TEX11: variants seen among roughly 807,000 people sequenced by gnomAD.
TEX11 encodes the protein testis-expressed protein 11.
In TEX11, 7 loss-of-function variants were observed where a neutral mutation model predicts 84.4. That is an observed-to-expected ratio of 0.08 (90% CI 0.05 to 0.16). The LOEUF (loss-of-function observed/expected upper bound fraction) is 0.16, where lower values mean the gene tolerates loss of function less well. TEX11 is among the 10% of genes least tolerant of loss of function. The pLI is 1.00. For synonymous variants in TEX11, 264 were observed against 222.8 expected (o/e 1.18, Z -1.64); for missense variants, 551 against 660.5 (o/e 0.83, Z 1.82).
At chrX:70,866,807 T>A (rs2091601868) in intron 4 of TEX11, among the ~76,000 whole-genome samples, 1 of 111,840 alleles carries the variant, frequency 8.9e-6, no homozygotes, top group African/African-American at 3.2e-5. Context: ...CATGATTATC[T>A]CAATAGATGC....
chrX:70,858,478 A>G (rs2091550046), intron 5 of TEX11, among the ~76,000 whole-genome samples: 1 of 108,387 alleles, frequency 9.2e-6, no homozygotes, highest in Admixed American at 1.0e-4. Context: ...AACTTACATA[A>G]CCAAATACTA....
chrX:70,671,885 A>ATG lies in TEX11; in HGVS notation c.1243-1372_1243-1371insCA, dbSNP rs1334536510. On this transcript the variant is annotated intron_variant, in intron 15 of 29. Coordinates refer to ENST00000374333, the MANE Select transcript of TEX11 (RefSeq NM_031276.3). ...TTAAACTGTACAATTGTTTTGATATATATATATATATATATATATATATAT... is the reference window on the plus strand; with the variant it reads ...TTAAACTGTACAATTGTTTTGATATATGTATATATATATATATATATATATAT... Among the ~76,000 whole-genome samples, 8 of 15,072 alleles carry ATG rather than the reference A, an allele frequency of 5.3e-4. No individual in the cohort carries two copies. In the East Asian group the frequency reaches 8.5e-3, roughly 16 times the overall value. The allele number at this position is 15,072 out of a possible 115,157, so 13.1% of individuals were successfully genotyped here.
intron 25 of TEX11, among the ~76,000 whole-genome samples, chrX:70,578,728 A>ATTT (rs2088715699): frequency 1.2e-5 from 1 of 84,474 alleles, no homozygotes; most frequent in Non-Finnish European, 2.4e-5. Flanking sequence ...TTACATACAT[A>ATTT]TTTTTTTAAC....
At chrX:70,680,208 T>G (rs1382391408) in intron 14 of TEX11, among the ~76,000 whole-genome samples, 88 of 90,031 alleles carry the variant, frequency 9.8e-4, no homozygotes, top group Middle Eastern at 5.5e-3. Context: ...GAGGTAGACG[T>G]GGGAGACTTT....
intron 5 of TEX11, among the ~76,000 whole-genome samples, chrX:70,858,173 G>A (rs1303499360): frequency 9.1e-6 from 1 of 109,713 alleles, no homozygotes; most frequent in Admixed American, 1.0e-4. Context: ...CTCATGGCCG[G>A]ATGCAGTGGC....
At chrX:70,607,111 C>T in intron 22 of TEX11, 82 bp from the exon 23 acceptor site, 1 of 714,544 alleles carries the variant, frequency 1.4e-6, no homozygotes, top group South Asian at 3.3e-5. Flanking sequence ...ATTTCTGATA[C>T]TTACACCTTT....
chrX:70,742,155 T>A (rs780493077), intron 10 of TEX11, among the ~76,000 whole-genome samples: 31 of 110,343 alleles, frequency 2.8e-4, no homozygotes, highest in Non-Finnish European at 5.3e-4. Flanking sequence ...GGTAACCAAT[T>A]CCCTGATGTC....
chrX:70,537,008 G>A (rs951537558), intron 28 of TEX11, among the ~76,000 whole-genome samples: 1 of 111,849 alleles, frequency 8.9e-6, no homozygotes, highest in Non-Finnish European at 1.9e-5. Flanking sequence ...GAGTAAAAAT[G>A]ATGGACAGGC....
intron 7 of TEX11, among the ~76,000 whole-genome samples, chrX:70,836,760 T>C (rs2091407608): frequency 8.9e-6 from 1 of 112,368 alleles, no homozygotes; most frequent in African/African-American, 3.2e-5. Flanking sequence ...CTCACACCTG[T>C]AATCCCAGTA....
chrX:70,840,464 G>A (rs1216416134), intron 7 of TEX11, among the ~76,000 whole-genome samples: 2 of 111,554 alleles, frequency 1.8e-5, no homozygotes, highest in Non-Finnish European at 3.8e-5. Context: ...TGCCCTAAAA[G>A]AGCTCCTGAA....
chrX:70,647,327 T>C (rs1442442780), intron 17 of TEX11, among the ~76,000 whole-genome samples: 2 of 111,673 alleles, frequency 1.8e-5, no homozygotes, highest in African/African-American at 6.5e-5. Flanking sequence ...AGATCTATTG[T>C]ACAACATGGT....
At chrX:70,615,582 G>C (rs770343337) in intron 20 of TEX11, among the ~76,000 whole-genome samples, 6 of 112,096 alleles carry the variant, frequency 5.4e-5, no homozygotes, top group African/African-American at 1.9e-4. Context: ...TGGCCTTGAA[G>C]AAGAGGCAGA....
chrX:70,628,805 G>A (rs2089477194), intron 18 of TEX11, among the ~76,000 whole-genome samples: 1 of 112,113 alleles, frequency 8.9e-6, no homozygotes, highest in East Asian at 2.8e-4. Context: ...TGAAAGAGAG[G>A]AAACCCAAAA....
intron 9 of TEX11, among the ~76,000 whole-genome samples, chrX:70,754,504 T>C (rs4844259): frequency 0.076 from 8,464 of 111,563 alleles, 498 homozygotes; most frequent in Admixed American, 0.28. Context: ...ACTTCTGTAC[T>C]CTTCTGTGGT....
intron 11 of TEX11, among the ~76,000 whole-genome samples, chrX:70,732,183 C>T (rs1398436012): frequency 9.0e-6 from 1 of 111,379 alleles, no homozygotes; most frequent in Non-Finnish European, 1.9e-5. Flanking sequence ...TATGACAAAC[C>T]CACAGCCTAT....
chrX:70,559,290 C>T (rs1169228660), intron 25 of TEX11, among the ~76,000 whole-genome samples: 3 of 111,953 alleles, frequency 2.7e-5, no homozygotes, highest in African/African-American at 9.7e-5. Context: ...CAAAAATATG[C>T]TAAGTGAAAT....
chrX:70,577,911 A>G (rs911411738), intron 25 of TEX11, among the ~76,000 whole-genome samples: 1 of 110,451 alleles, frequency 9.1e-6, no homozygotes, highest in Admixed American at 9.7e-5. Flanking sequence ...TATTTTTAGT[A>G]GAGATGGGGT....
intron 9 of TEX11, among the ~76,000 whole-genome samples, chrX:70,784,935 T>C (rs1299444782): frequency 1.3e-4 from 15 of 111,776 alleles, no homozygotes; most frequent in Admixed American, 8.6e-4. Flanking sequence ...CCATCCCCAT[T>C]AAGCTACCAA....
At chrX:70,781,693 G>T (rs759269182) in intron 9 of TEX11, among the ~76,000 whole-genome samples, 2 of 111,775 alleles carry the variant, frequency 1.8e-5, no homozygotes, top group African/African-American at 6.5e-5. Context: ...TAGCTGATTC[G>T]ATCAAGTGGA....
Sources: allele counts gnomAD v4.1 joint callset (sites outside exome capture counted in the v4.1 genomes callset), GRCh38; gene constraint gnomAD v4.1.1; transcripts MANE v1.5; gene names NCBI Gene and HGNC (gene_info 2026-07-23, HGNC 2026-07-21).